The following CCDC144A variants were observed in gnomAD, a reference collection of about 807,000 sequenced individuals.
CCDC144A encodes coiled-coil domain-containing protein 144A.
CCDC144A carries 41 observed loss-of-function variants against 143.8 expected under a neutral mutation model. That is an observed-to-expected ratio of 0.29 (90% CI 0.22 to 0.37). The LOEUF (loss-of-function observed/expected upper bound fraction) is 0.37. Among genes scored for constraint, CCDC144A ranks in the 10% least tolerant of loss-of-function variants. The pLI is 1.00. For synonymous variants in CCDC144A, 242 were observed against 517.9 expected, an observed-to-expected ratio of 0.47 and a Z score of 7.23; for missense variants, 637 against 1,488.8, an observed-to-expected ratio of 0.43 and a Z score of 9.41.
chr17:16,697,114 G>A (rs1301755620), intron 2 of CCDC144A, among the ~76,000 whole-genome samples: 3 of 152,098 alleles, frequency 2.0e-5, no homozygotes, highest in African/African-American at 7.2e-5. Context: ...AAATAGATGC[G>A]TGTTTCTCCA....
At chr17:16,692,958 T>G (rs1353305518) in intron 1 of CCDC144A, 21 bp from the exon 2 acceptor site, 1 of 1,420,320 alleles carries the variant, frequency 7.0e-7, no homozygotes, top group Non-Finnish European at 9.5e-7. Flanking sequence ...GTAATTTCAT[T>G]TATTACATTT....
chr17:16,683,670 T>C, the CCDC144A span: 1 of 1,606,850 alleles, frequency 6.2e-7, no homozygotes, highest in Non-Finnish European at 8.5e-7. Flanking sequence ...CCCGGAAGTT[T>C]CAGAAGGGCA....
At chr17:16,691,892 AGTG>A (rs1375556488) in intron 1 of CCDC144A, 3 of 152,272 alleles carry the variant, frequency 2.0e-5, no homozygotes, top group Admixed American at 6.5e-5. Flanking sequence ...AGATTTTTGA[AGTG>A]GTCCATATTT....
chr17:16,761,136 G>C (rs1915341058), intron 12 of CCDC144A, among the ~76,000 whole-genome samples: 1 of 151,508 alleles, frequency 6.6e-6, no homozygotes, highest in Admixed American at 6.6e-5. Flanking sequence ...GACCATCCTG[G>C]CTAACACGGT....
chr17:16,745,542 T>A lies in CCDC144A; in HGVS notation c.3372+9899T>A, dbSNP rs564036835. The A allele has an allele frequency of 1.4e-4, 175 of 1,296,126 alleles. No individual in the cohort carries two copies. The African/African-American group carries it at 2.3e-3, about 17-fold the overall frequency. The allele number at this position is 1,296,126 out of a possible 1,614,324, so 80.3% of individuals were successfully genotyped here. On this transcript the variant is annotated intron_variant, in intron 12 of 16. Transcript: ENST00000399273. Reference sequence around the variant, plus strand: ...TAGCTTCCAGTTTCCTGGTAAGGAATAAGTTCTCCTTCCCAGTCACACTCG... The same window carrying A: ...TAGCTTCCAGTTTCCTGGTAAGGAAAAAGTTCTCCTTCCCAGTCACACTCG...
chr17:16,708,792 G>A lies in CCDC144A; in HGVS notation c.739-4G>A, dbSNP rs1199694443. 6 of 1,611,506 alleles carry A rather than the reference G, an allele frequency of 3.7e-6. No homozygotes were observed. Among genetic ancestry groups the A allele is most frequent in the South Asian group, 2.2e-5 (2 of 90,900 alleles). Reference sequence around the variant, plus strand: ...AAATTAATCTTCCACTTTTGCATCTGCAGAAAACGTCTCAAGAACCAGAAA... The same window carrying A: ...AAATTAATCTTCCACTTTTGCATCTACAGAAAACGTCTCAAGAACCAGAAA... On this transcript the variant is annotated splice_polypyrimidine_tract_variant and splice_region_variant and intron_variant, in intron 4 of 16. Transcript: ENST00000399273.
At chr17:16,716,351 A>G (rs904193761) in intron 6 of CCDC144A, among the ~76,000 whole-genome samples, 6 of 152,154 alleles carry the variant, frequency 3.9e-5, no homozygotes, top group African/African-American at 1.2e-4. Context: ...ATGTAGTTAT[A>G]TGATAGTGAT....
the CCDC144A span, among the ~76,000 whole-genome samples, chr17:16,668,563 A>G: frequency 2.7e-3 from 410 of 152,340 alleles, 3 homozygotes; most frequent in Non-Finnish European, 4.3e-3. Context: ...TGCTTTTGAC[A>G]TAATGAAAGT....
chr17:16,685,659 A>G (rs563300849), upstream of CCDC144A, among the ~76,000 whole-genome samples: 34 of 151,078 alleles, frequency 2.3e-4, no homozygotes, highest in African/African-American at 8.0e-4. Flanking sequence ...CTGGGATTAC[A>G]GTCCAGTACA....
chr17:16,728,359 A>G (rs542812718), intron 9 of CCDC144A, among the ~76,000 whole-genome samples: 16 of 152,280 alleles, frequency 1.1e-4, no homozygotes, highest in African/African-American at 3.6e-4. Context: ...TTTTATATAA[A>G]TGTTTTTCTA....
chr17:16,758,041 GT>G (rs1915180768), intron 12 of CCDC144A, among the ~76,000 whole-genome samples: 1 of 152,176 alleles, frequency 6.6e-6, no homozygotes. Flanking sequence ...CCTACTTGCT[GT>G]TTTGGTTTTT....
the CCDC144A span, among the ~76,000 whole-genome samples, chr17:16,671,624 G>T: frequency 1.3e-5 from 2 of 152,012 alleles, no homozygotes; most frequent in East Asian, 1.9e-4. Context: ...AAACACCTAT[G>T]ATTAATAAAA....
At chr17:16,681,490 A>G in the CCDC144A span, among the ~76,000 whole-genome samples, 1 of 152,180 alleles carries the variant, frequency 6.6e-6, no homozygotes, top group East Asian at 1.9e-4. Flanking sequence ...GTGGAAAAGT[A>G]TGTAAAGTTA....
chr17:16,690,086 C>T (rs531930498), upstream of CCDC144A: 291 of 220,756 alleles, frequency 1.3e-3, no homozygotes, highest in African/African-American at 6.1e-3. Context: ...GCCAAGGAGT[C>T]TTTTTCTGGG....
chr17:16,686,090 TG>T (rs367757951), upstream of CCDC144A, among the ~76,000 whole-genome samples: 894 of 137,128 alleles, frequency 6.5e-3, 13 homozygotes, highest in Admixed American at 0.021. Context: ...CTGTTTTTTT[TG>T]TTTTTTTTTT....
chr17:16,717,962 T>C (rs1457611365), intron 6 of CCDC144A, among the ~76,000 whole-genome samples: 1 of 152,234 alleles, frequency 6.6e-6, no homozygotes, highest in Non-Finnish European at 1.5e-5. Context: ...TAACTTGTGG[T>C]CTGCTGCAAG....
chr17:16,755,386 A>T (rs1597586843), intron 12 of CCDC144A, among the ~76,000 whole-genome samples: 1 of 151,106 alleles, frequency 6.6e-6, no homozygotes, highest in Non-Finnish European at 1.5e-5. Context: ...TCTCTTTTTC[A>T]GTTCTGTACC....
At chr17:16,684,672 A>G (rs1910718293), upstream of CCDC144A, among the ~76,000 whole-genome samples, 1 of 152,020 alleles carries the variant, frequency 6.6e-6, no homozygotes, top group Non-Finnish European at 1.5e-5. Context: ...AAAAAAAAAA[A>G]AAAAATTTGA....
the CCDC144A span, among the ~76,000 whole-genome samples, chr17:16,672,942 TATAG>T: frequency 6.6e-6 from 1 of 152,116 alleles, no homozygotes; most frequent in Non-Finnish European, 1.5e-5. Context: ...ATGATAGAGA[TATAG>T]ATAGATAGGG....
Sources: gnomAD v4.1 joint callset for allele counts (sites outside exome capture counted in the v4.1 genomes callset) on GRCh38, gnomAD v4.1.1 for gene constraint, MANE v1.5 for transcripts, NCBI Gene and HGNC (gene_info 2026-07-23, HGNC 2026-07-21) for gene names.